Variants in H3-7 observed in about 807,000 individuals in gnomAD.
H3-7 encodes the protein histone H3-7.
At chr1:143,905,777 G>A in the H3-7 span, 3 of 1,582,136 alleles carry the variant, frequency 1.9e-6, no homozygotes, top group East Asian at 2.3e-5. Flanking sequence ...GGCAGCTTGC[G>A]GATCAGCAGC....
chr1:143,905,553 A>G, the H3-7 span: 5 of 1,571,126 alleles, frequency 3.2e-6, no homozygotes, highest in East Asian at 2.3e-5. Flanking sequence ...TTAAAAATAT[A>G]CCTTAGGCCC....
the H3-7 span, chr1:143,905,893 G>T: frequency 1.3e-6 from 2 of 1,580,166 alleles, no homozygotes; most frequent in South Asian, 2.3e-5. Context: ...CTTGCGGGCC[G>T]CTTTGGTAGC....
At chr1:143,904,687 C>A in the H3-7 span, 3 of 1,431,460 alleles carry the variant, frequency 2.1e-6, no homozygotes, top group South Asian at 1.2e-5. Flanking sequence ...ACTTATAGAG[C>A]CTGTATGCAA....
the H3-7 span, among the ~76,000 whole-genome samples, chr1:143,905,309 T>C: frequency 2.2e-5 from 3 of 139,444 alleles, no homozygotes; most frequent in Non-Finnish European, 4.8e-5. Context: ...GCCGGACCTC[T>C]AGCCTTAAAC....
At chr1:143,902,452 A>C in the H3-7 span, among the ~76,000 whole-genome samples, 1,287 of 144,756 alleles carry the variant, frequency 8.9e-3, 119 homozygotes, top group Non-Finnish European at 8.0e-3. Context: ...AGTAAAATTC[A>C]TTTTAAGCAC....
At chr1:143,905,719 AG>A in the H3-7 span, 1 of 1,582,414 alleles carries the variant, frequency 6.3e-7, no homozygotes, top group South Asian at 1.1e-5. Flanking sequence ...CTGGAAGCGC[AG>A]GTCCGTCTTA....
the H3-7 span, chr1:143,905,356 T>C: frequency 7.2e-6 from 4 of 554,166 alleles, no homozygotes; most frequent in Admixed American, 6.5e-5. Context: ...ACAAGGACCA[T>C]GCCTCTGCGG....
At chr1:143,905,851 G>A in the H3-7 span, 438 of 1,581,570 alleles carry the variant, frequency 2.8e-4, 67 homozygotes, top group South Asian at 4.6e-3. Context: ...GTAGCGGTGC[G>A]GCTTCTTCAC....
chr1:143,904,766 C>A, the H3-7 span: 12 of 672,480 alleles, frequency 1.8e-5, no homozygotes. Context: ...GGGGTGGAGT[C>A]TATGTAAATA....
chr1:143,903,470 C>T, the H3-7 span, among the ~76,000 whole-genome samples: 1 of 30,978 alleles, frequency 3.2e-5, no homozygotes, highest in African/African-American at 1.4e-4. Context: ...CTCTTTGTCC[C>T]CCCAGAGGAC....
chr1:143,904,387 G>T, the H3-7 span: 5 of 1,582,716 alleles, frequency 3.2e-6, no homozygotes, highest in Non-Finnish European at 4.3e-6. Context: ...CCCGCGATGC[G>T]CTCGAAGATG....
At chr1:143,904,669 T>C in the H3-7 span, 9 of 1,513,692 alleles carry the variant, frequency 5.9e-6, no homozygotes, top group Non-Finnish European at 8.2e-6. Flanking sequence ...ACGGGCTGGT[T>C]ATGCGCTACT....
chr1:143,904,619 G>A, the H3-7 span: 19 of 1,582,136 alleles, frequency 1.2e-5, no homozygotes, highest in Admixed American at 6.8e-5. Context: ...CGCGAAAAAA[G>A]AGAACAGAGA....
chr1:143,905,839 C>T, the H3-7 span: 5 of 1,581,970 alleles, frequency 3.2e-6, no homozygotes, highest in Middle Eastern at 1.7e-4. Flanking sequence ...GGTGCCGGGC[C>T]GGTAGCGGTG....
At chr1:143,903,693 C>A in the H3-7 span, among the ~76,000 whole-genome samples, 1 of 58,302 alleles carries the variant, frequency 1.7e-5, no homozygotes, top group African/African-American at 6.8e-5. Context: ...TGCAAAAAGG[C>A]TAAGGGACGA....
the H3-7 span, chr1:143,905,633 C>A: frequency 6.3e-7 from 1 of 1,582,718 alleles, no homozygotes; most frequent in East Asian, 2.3e-5. Context: ...GCATGGATGG[C>A]GCACAGGTTC....
chr1:143,905,897 T>C, the H3-7 span: 1 of 1,580,164 alleles, frequency 6.3e-7, no homozygotes, highest in Non-Finnish European at 8.7e-7. Context: ...CGGGCCGCTT[T>C]GGTAGCCAGC....
the H3-7 span, among the ~76,000 whole-genome samples, chr1:143,903,521 TTGGA>T: frequency 4.6e-5 from 1 of 21,848 alleles, no homozygotes; most frequent in African/African-American, 2.0e-4. Context: ...CCTCTGCCCA[TTGGA>T]TACTTCTAGC....
chr1:143,902,730 A>G, the H3-7 span, among the ~76,000 whole-genome samples: 4 of 141,808 alleles, frequency 2.8e-5, no homozygotes, highest in South Asian at 7.2e-4. Context: ...TTCTCAGAAC[A>G]TCTGTGACAC....
Sources: gnomAD v4.1 joint callset for allele counts (sites outside exome capture counted in the v4.1 genomes callset) on GRCh38, gnomAD v4.1.1 for gene constraint, MANE v1.5 for transcripts, NCBI Gene and HGNC (gene_info 2026-07-23, HGNC 2026-07-21) for gene names.